TSPEAR: variants seen among roughly 807,000 people sequenced by gnomAD.
TSPEAR encodes the protein thrombospondin type laminin G domain and EAR repeats.
Under a neutral mutation model 71.6 loss-of-function variants are expected in TSPEAR, and 69 were observed. That is an observed-to-expected ratio of 0.96 (90% CI 0.79 to 1.18). The LOEUF (loss-of-function observed/expected upper bound fraction) is 1.18, where lower values mean the gene tolerates loss of function less well. Among genes scored for constraint, TSPEAR ranks in the 50% most tolerant of loss-of-function variants. TSPEAR has a pLI of 0.00. For synonymous variants in TSPEAR, 402 were observed against 387.2 expected (o/e 1.04, Z -0.45); for missense variants, 971 against 894.9 (o/e 1.09, Z -1.09).
At chr21:44,703,290 T>C (rs1454646678) in intron 1 of TSPEAR, among the ~76,000 whole-genome samples, 1 of 152,178 alleles carries the variant, frequency 6.6e-6, no homozygotes, top group Non-Finnish European at 1.5e-5. Flanking sequence ...CCGGCTCCCA[T>C]CCCCACAGCC....
rs114657770 is a variant in TSPEAR at position 44,678,091 on chromosome 21, C to T, written c.82+33342G>A. 1,099 of 652,288 alleles carry T rather than the reference C, an allele frequency of 1.7e-3. 9 individuals carry two copies. The African/African-American group carries it at 0.018, about 11-fold the overall frequency. 40.4% of individuals were successfully genotyped at this position (652,288 alleles called of 1,614,324 possible). ...TAACTGACAGGCCCGCAGTATCTGT[C>T]GAGCGGACGGTGCTGCTGGTGGATG... On this transcript the variant is annotated intron_variant, in intron 1 of 11. Transcript: ENST00000323084.
At chr21:44,575,084 CG>C in intron 1 of TSPEAR, 1 of 1,421,780 alleles carries the variant, frequency 7.0e-7, no homozygotes, top group Admixed American at 2.2e-5. Context: ...CTGATAGTCG[CG>C]TCCTGAATTG....
At position 44,645,858 on chromosome 21, in the gene TSPEAR, G is replaced by A. The variant is rs140593337; in HGVS notation, c.82+65575C>T. 2.6e-3 allele frequency among the ~76,000 whole-genome samples: 389 copies of A among 151,898 alleles called. 4 individuals carry two copies. The highest frequency in any genetic ancestry group is 8.2e-3 in the African/African-American group (340 of 41,398). ...CAAAAGCTTGCTTGAAATATTTTCC[G>A]GCCGGACGCGGTGGCTCACGCCTGT... On this transcript the variant is annotated intron_variant, in intron 1 of 11. Transcript: ENST00000323084.
Position 44,675,664 on chromosome 21 carries a change from C to T in TSPEAR, c.82+35769G>A, listed in dbSNP as rs868991975. 3.3e-5 allele frequency among the ~76,000 whole-genome samples: 5 copies of T among 152,064 alleles called. No individual in the cohort carries two copies. The East Asian group carries it at 7.7e-4, about 23-fold the overall frequency. On this transcript the variant is annotated intron_variant, in intron 1 of 11. Coordinates refer to ENST00000323084, the MANE Select transcript of TSPEAR (RefSeq NM_144991.3). Reference sequence around the variant, plus strand: ...AATCCGAAAAACAGAAAATGTTACACGAGTTGCAAAGAAAGCACTCCTGGA... The same window carrying T: ...AATCCGAAAAACAGAAAATGTTACATGAGTTGCAAAGAAAGCACTCCTGGA...
intron 9 of TSPEAR, chr21:44,518,196 C>A (rs956420687): frequency 7.5e-6 from 3 of 398,324 alleles, no homozygotes; most frequent in Non-Finnish European, 1.5e-5. Context: ...TAAAAAAATT[C>A]CTTTCTGTTT....
chr21:44,505,474 C>T (rs2052171177), intron 10 of TSPEAR, among the ~76,000 whole-genome samples: 1 of 149,136 alleles, frequency 6.7e-6, no homozygotes, highest in Non-Finnish European at 1.5e-5. Context: ...CACATTCATA[C>T]TGCTGTGTGG....
intron 11 of TSPEAR, among the ~76,000 whole-genome samples, chr21:44,504,184 G>GA (rs2052130485): frequency 7.3e-6 from 1 of 136,858 alleles, no homozygotes; most frequent in Non-Finnish European, 1.6e-5. Context: ...CGGCCTTGGT[G>GA]AGCCCACAGT....
At chr21:44,568,148 T>C (rs1555922024) in intron 1 of TSPEAR, 143 bp from the exon 2 acceptor site, 1 of 509,018 alleles carries the variant, frequency 2.0e-6, no homozygotes, top group Admixed American at 4.2e-5. Flanking sequence ...CAAGGTTATC[T>C]CTGTTTCAGT....
chr21:44,549,216 A>G (rs1371433871), intron 2 of TSPEAR, among the ~76,000 whole-genome samples: 1 of 152,200 alleles, frequency 6.6e-6, no homozygotes, highest in African/African-American at 2.4e-5. Context: ...AAATAAGGAA[A>G]GGAATGTGAG....
rs1374249489 is a variant in TSPEAR, at chr21:44,687,017, T to A, written c.82+24416A>T. 6.6e-6 allele frequency among the ~76,000 whole-genome samples: 1 copy of A among 151,908 alleles called. No individual in the cohort carries two copies. Among genetic ancestry groups the A allele is most frequent in the East Asian group, 1.9e-4 (1 of 5,188 alleles). On this transcript the variant is annotated intron_variant, in intron 1 of 11. Transcript: ENST00000323084. The surrounding 1 kb of genome is among the most constrained non-coding windows in gnomAD (Gnocchi z 4.4). ...CTGAAGCTGCTGAGTCCAAAGGGGG[T>A]GTCTCCTTCCCAGTAGTTTCAGACG...
intron 1 of TSPEAR, among the ~76,000 whole-genome samples, chr21:44,569,380 C>T (rs898340904): frequency 2.0e-5 from 3 of 152,206 alleles, no homozygotes; most frequent in Admixed American, 6.5e-5. Flanking sequence ...GTGACGCAGA[C>T]GTGCAGTGCA....
At chr21:44,606,449 G>A (rs1456906204) in intron 1 of TSPEAR, among the ~76,000 whole-genome samples, 3 of 152,142 alleles carry the variant, frequency 2.0e-5, no homozygotes, top group South Asian at 4.1e-4. Context: ...CAACCACTAC[G>A]GGAAACAGTA....
At chr21:44,662,651 A>G (rs1306998224) in intron 1 of TSPEAR, among the ~76,000 whole-genome samples, 4 of 152,240 alleles carry the variant, frequency 2.6e-5, no homozygotes, top group Admixed American at 2.0e-4. Flanking sequence ...ACTCCACCCA[A>G]CAATAACAGA....
chr21:44,527,081 T>G (rs2145973284), intron 7 of TSPEAR, among the ~76,000 whole-genome samples: 1 of 152,262 alleles, frequency 6.6e-6, no homozygotes, highest in African/African-American at 2.4e-5. Context: ...GGTCGTCCGT[T>G]TTGCGGGAGC....
intron 6 of TSPEAR, among the ~76,000 whole-genome samples, chr21:44,528,036 C>A (rs1275315623): frequency 6.6e-6 from 1 of 152,126 alleles, no homozygotes; most frequent in Non-Finnish European, 1.5e-5. Flanking sequence ...AGCCGGGCCA[C>A]CCTACCAAGG....
At chr21:44,670,241 T>A (rs917991095) in intron 1 of TSPEAR, among the ~76,000 whole-genome samples, 3 of 152,148 alleles carry the variant, frequency 2.0e-5, no homozygotes, top group African/African-American at 7.2e-5. Flanking sequence ...AGGTAGTGGG[T>A]TCATGGTTCA....
intron 1 of TSPEAR, chr21:44,627,970 T>C (rs1555934924): frequency 6.6e-7 from 1 of 1,519,684 alleles, no homozygotes; most frequent in Non-Finnish European, 8.9e-7. Flanking sequence ...CCAGGCCTCC[T>C]GTGTGTCCCT....
chr21:44,689,740 T>TATATATATATATATATATATATATC (rs1555949490), intron 1 of TSPEAR, among the ~76,000 whole-genome samples: 1 of 125,144 alleles, frequency 8.0e-6, no homozygotes, highest in African/African-American at 3.3e-5. Flanking sequence ...TATATATATA[T>TATATATATATATATATATATATATC]TTTGGGGGGG....
At chr21:44,705,927 C>T (rs1393833568) in intron 1 of TSPEAR, among the ~76,000 whole-genome samples, 2 of 152,160 alleles carry the variant, frequency 1.3e-5, no homozygotes, top group African/African-American at 2.4e-5. Context: ...CTGGTTTTTG[C>T]GGCTTGTGGG....
Sources: allele counts gnomAD v4.1 joint callset (sites outside exome capture counted in the v4.1 genomes callset), GRCh38; gene constraint gnomAD v4.1.1; non-coding constraint Gnocchi (gnomAD v3.1); transcripts MANE v1.5; gene names NCBI Gene and HGNC (gene_info 2026-07-23, HGNC 2026-07-21).